The following ZNF778 variants were observed in gnomAD, a reference collection of about 807,000 sequenced individuals.
The protein encoded by ZNF778 is zinc finger protein 778.
Under a neutral mutation model 23.9 loss-of-function variants are expected in ZNF778, and 37 were observed. The ratio of observed to expected loss-of-function variants is 1.54; its 90% CI spans 1.19 to 2.03. The LOEUF is 2.03. Among genes scored for constraint, ZNF778 ranks in the 30% most tolerant of loss-of-function variants. ZNF778 has a pLI of 0.00. For synonymous variants in ZNF778, 483 were observed against 343.9 expected (o/e 1.40, Z -4.48); for missense variants, 1,297 against 934.4 (o/e 1.39, Z -5.06).
chr16:89,218,141 C>G (rs4785609), intron 1 of ZNF778: 151,723 of 152,354 alleles, frequency 1, 75,550 homozygotes, highest in Middle Eastern at 1. Context: ...GCCCTCGGGG[C>G]GGGAGGGATG....
chr16:89,229,295 A>T lies in ZNF778; in HGVS notation c.*733A>T. 1 of 984,904 alleles carries T rather than the reference A, an allele frequency of 1.0e-6. No individual in the cohort carries two copies. Among genetic ancestry groups the T allele is most frequent in the Non-Finnish European group, 1.2e-6 (1 of 829,984 alleles). The allele number at this position is 984,904 out of a possible 1,614,324, so 61.0% of individuals were successfully genotyped here. On this transcript the variant is annotated 3_prime_UTR_variant, in exon 7 of 7. Transcript: ENST00000433976. Reference sequence around the variant, plus strand: ...TGGTTGGTTAGTCTTGAGGATCCAGATGTGATTCTGTGAGCAGTGTAAGCT... The same window carrying T: ...TGGTTGGTTAGTCTTGAGGATCCAGTTGTGATTCTGTGAGCAGTGTAAGCT...
chr16:89,223,413 G>A, intron 4 of ZNF778, 130 bp downstream of exon 4: 2 of 1,309,464 alleles, frequency 1.5e-6, no homozygotes, highest in Non-Finnish European at 2.1e-6. Context: ...GTGCTAGTAG[G>A]CTTGGTGCTA....
At chr16:89,220,105 T>C (rs534820813) in intron 1 of ZNF778, among the ~76,000 whole-genome samples, 28 of 152,338 alleles carry the variant, frequency 1.8e-4, no homozygotes, top group African/African-American at 6.7e-4. Context: ...GAGAACTGAA[T>C]ATTACATCCC....
chr16:89,229,042 G>T lies in ZNF778; in HGVS notation c.*480G>T. On this transcript the variant is annotated 3_prime_UTR_variant, in exon 7 of 7. Coordinates refer to ENST00000433976, the MANE Select transcript of ZNF778 (RefSeq NM_001201407.2). ...GGGCTAACTTGAGACATGTCTTTCT[G>T]GGGGTTCTGTAGACGTATTTTGAAT... The T allele has an allele frequency of 1.0e-6, 1 of 991,660 alleles. No homozygotes were observed. The highest frequency in any genetic ancestry group is 1.2e-6 in the Non-Finnish European group (1 of 834,092). 61.4% of individuals were successfully genotyped at this position (991,660 alleles called of 1,614,324 possible).
In ZNF778 at chr16:89,231,747, A is replaced by T. The variant is rs918973821; in HGVS notation, c.*3185A>T. The T allele has an allele frequency of 6.6e-6, 1 of 152,118 alleles. No homozygotes were observed. The highest frequency in any genetic ancestry group is 1.5e-5 in the Non-Finnish European group (1 of 68,022). 9.4% of individuals were successfully genotyped at this position (152,118 alleles called of 1,614,324 possible). The stretch of plus-strand genomic sequence containing the variant: ...AATTGATACCAAAATGTTTTGTTTC[A>T]CCAGGAGGTGCCCGCCTCCTATCAG... On this transcript the variant is annotated 3_prime_UTR_variant, in exon 7 of 7. Transcript: ENST00000433976.
intron 1 of ZNF778, among the ~76,000 whole-genome samples, chr16:89,219,861 C>A (rs1362353570): frequency 1.3e-5 from 2 of 152,238 alleles, no homozygotes; most frequent in Non-Finnish European, 2.9e-5. Flanking sequence ...TTATAGGTGT[C>A]ATGAGGTGCA....
intron 4 of ZNF778, among the ~76,000 whole-genome samples, chr16:89,224,059 C>T (rs907185507): frequency 6.6e-6 from 1 of 150,678 alleles, no homozygotes; most frequent in Non-Finnish European, 1.5e-5. Flanking sequence ...GGGCTGTAAT[C>T]CGAGCACTCT....
chr16:89,226,428 C>G (rs1567503356), intron 6 of ZNF778, among the ~76,000 whole-genome samples: 1 of 152,108 alleles, frequency 6.6e-6, no homozygotes, highest in Non-Finnish European at 1.5e-5. Context: ...TGGTCTTGAA[C>G]TCCCGACCTC....
chr16:89,219,154 A>T (rs1162241631), intron 1 of ZNF778, among the ~76,000 whole-genome samples: 1 of 151,912 alleles, frequency 6.6e-6, no homozygotes, highest in African/African-American at 2.4e-5. Flanking sequence ...TCCACTGTCT[A>T]CTTTGTGTAA....
intron 6 of ZNF778, among the ~76,000 whole-genome samples, chr16:89,225,923 T>C (rs1014653305): frequency 6.6e-6 from 1 of 151,584 alleles, no homozygotes; most frequent in Non-Finnish European, 1.5e-5. Context: ...ATTCTTTTTT[T>C]TTTTTTTGAG....
chr16:89,228,453 C>G lies in ZNF778; in HGVS notation c.2165C>G (p.Thr722Ser). 1 of 1,613,870 alleles carries G rather than the reference C, an allele frequency of 6.2e-7. No homozygotes were observed. The highest frequency in any genetic ancestry group is 1.3e-5 in the African/African-American group (1 of 75,036). Residue 722 changes from threonine to serine, a missense_variant, in exon 7 of 7, where the codon ACT becomes AGT. Transcript: ENST00000433976. ...RFYLLKEHLK[T>S]YTEEQVFVCK... ...TATCTACTAAAAGAACATTTAAAAACTTACACTGAAGAGCAGGTTTTTGTA... is the reference window on the plus strand; with the variant it reads ...TATCTACTAAAAGAACATTTAAAAAGTTACACTGAAGAGCAGGTTTTTGTA...
chr16:89,229,521 G>A lies in ZNF778; in HGVS notation c.*959G>A, dbSNP rs1174135834. On this transcript the variant is annotated 3_prime_UTR_variant, in exon 7 of 7. Coordinates refer to ENST00000433976, the MANE Select transcript of ZNF778 (RefSeq NM_001201407.2). ...TGAGGATCCAGATGTGATTCTGTGA[G>A]CAGCATAGGCTCTGGTTGGTTAGTC... 1 of 972,982 alleles carries A rather than the reference G, an allele frequency of 1.0e-6. No homozygotes were observed. Among genetic ancestry groups the A allele is most frequent in the East Asian group, 1.2e-4 (1 of 8,404 alleles). 60.3% of individuals were successfully genotyped at this position (972,982 alleles called of 1,614,324 possible). A position where few individuals can be genotyped will look rare whatever the true frequency, so the allele number is the denominator to read the frequency against.
In ZNF778 at chr16:89,226,825, A is replaced by C; in HGVS notation, c.537A>C (p.Glu179Asp). The stretch of plus-strand genomic sequence containing the variant: ...ACAGTTGTGTGTCTAATCATTATGA[A>C]AGGGACTTTTTTATTCCATGCCAGA... Reference protein sequence around the residue: ...TGDSCVSNHYERDFFIPCQKT... With the variant: ...TGDSCVSNHYDRDFFIPCQKT... Residue 179 changes from glutamate to aspartate, a missense_variant, in exon 7 of 7, where the codon GAA becomes GAC. Transcript: ENST00000433976. 1 of 1,614,018 alleles carries C rather than the reference A, an allele frequency of 6.2e-7. No individual in the cohort carries two copies. Among genetic ancestry groups the C allele is most frequent in the Non-Finnish European group, 8.5e-7 (1 of 1,179,882 alleles).
In ZNF778 at chr16:89,228,789, A is replaced by G. The variant is rs895674719; in HGVS notation, c.*227A>G. On this transcript the variant is annotated 3_prime_UTR_variant, in exon 7 of 7. Transcript: ENST00000433976. ...ATATGGATGGTATCCAGTAGAGAGA[A>G]CTCTATTGATGTGTGATATGCAGCA... 1 of 1,321,642 alleles carries G rather than the reference A, an allele frequency of 7.6e-7. No individual in the cohort carries two copies. The highest frequency in any genetic ancestry group is 3.7e-5 in the Admixed American group (1 of 27,354). 81.9% of individuals were successfully genotyped at this position (1,321,642 alleles called of 1,614,324 possible).
chr16:89,229,076 T>C lies in ZNF778; in HGVS notation c.*514T>C. 1 of 989,458 alleles carries C rather than the reference T, an allele frequency of 1.0e-6. No homozygotes were observed. Among genetic ancestry groups the C allele is most frequent in the South Asian group, 4.6e-5 (1 of 21,648 alleles). The allele number at this position is 989,458 out of a possible 1,614,324, so 61.3% of individuals were successfully genotyped here. A position where few individuals can be genotyped will look rare whatever the true frequency, so the allele number is the denominator to read the frequency against. On this transcript the variant is annotated 3_prime_UTR_variant, in exon 7 of 7. Coordinates refer to ENST00000433976, the MANE Select transcript of ZNF778 (RefSeq NM_001201407.2). ...GTAGACGTATTTTGAATCTTTATGA[T>C]GCTGCACTGATCATTCTTGGAGTGA... is the stretch of plus-strand genomic sequence containing the variant.
At chr16:89,226,427 A>T (rs959214632) in intron 6 of ZNF778, among the ~76,000 whole-genome samples, 13 of 150,130 alleles carry the variant, frequency 8.7e-5, no homozygotes, top group Non-Finnish European at 1.2e-4. Context: ...CTGGTCTTGA[A>T]CTCCCGACCT....
At chr16:89,218,976 G>A (rs2030645378) in intron 1 of ZNF778, among the ~76,000 whole-genome samples, 1 of 151,934 alleles carries the variant, frequency 6.6e-6, no homozygotes, top group Non-Finnish European at 1.5e-5. Context: ...GCATGGTGGC[G>A]CATGCCTGTA....
chr16:89,231,872 C>G lies in ZNF778; in HGVS notation c.*3310C>G, dbSNP rs960289067. 2 of 152,262 alleles carry G rather than the reference C, an allele frequency of 1.3e-5. No homozygotes were observed. The highest frequency in any genetic ancestry group is 2.9e-5 in the Non-Finnish European group (2 of 68,080). The allele number at this position is 152,262 out of a possible 1,614,324, so 9.4% of individuals were successfully genotyped here. Reference sequence around the variant, plus strand: ...GACTTGGCTTCACACAGAGCCTCTTCTTTACACATACTAACTGTTTGCTTC... The same window carrying G: ...GACTTGGCTTCACACAGAGCCTCTTGTTTACACATACTAACTGTTTGCTTC... On this transcript the variant is annotated 3_prime_UTR_variant, in exon 7 of 7. Coordinates refer to ENST00000433976, the MANE Select transcript of ZNF778 (RefSeq NM_001201407.2).
Position 89,231,152 on chromosome 16 carries a change from G to A in ZNF778, c.*2590G>A, listed in dbSNP as rs2031905401. The A allele has an allele frequency of 1.3e-5, 2 of 152,264 alleles. No individual in the cohort carries two copies. Among genetic ancestry groups the A allele is most frequent in the Admixed American group, 6.5e-5 (1 of 15,270 alleles). 9.4% of individuals were successfully genotyped at this position (152,264 alleles called of 1,614,324 possible). On this transcript the variant is annotated 3_prime_UTR_variant, in exon 7 of 7. Transcript: ENST00000433976. ...AGTGTGGCTATTTAGCTCATCTGTT[G>A]CCACCTTTAATTGTTGGCATTGACA...
Sources: gnomAD v4.1 joint callset for allele counts (sites outside exome capture counted in the v4.1 genomes callset) on GRCh38, gnomAD v4.1.1 for gene constraint, MANE v1.5 for transcripts, NCBI Gene and HGNC (gene_info 2026-07-23, HGNC 2026-07-21) for gene names.